Variants in NCOA1 observed in about 807,000 individuals in gnomAD.
NCOA1 encodes Hin-2 protein.
Under a neutral mutation model 150.9 loss-of-function variants are expected in NCOA1, and 35 were observed. That is an observed-to-expected ratio of 0.23 (90% confidence interval 0.18 to 0.31). The LOEUF is 0.31. Among genes scored for constraint, NCOA1 ranks in the 10% least tolerant of loss-of-function variants. The pLI, the probability that NCOA1 is intolerant of heterozygous loss-of-function variation, is 1.00. For synonymous variants in NCOA1, 590 were observed against 630.0 expected, an observed-to-expected ratio of 0.94 and a Z score of 0.95; for missense variants, 1,491 against 1,749.3, an observed-to-expected ratio of 0.85 and a Z score of 2.63.
intron 2 of NCOA1, among the ~76,000 whole-genome samples, chr2:24,568,808 T>C (rs1022278196): frequency 3.9e-5 from 6 of 152,244 alleles, no homozygotes; most frequent in Non-Finnish European, 8.8e-5. Context: ...TACTGTCATG[T>C]ACCCATGCCA....
At chr2:24,566,072 A>G (rs549291507) in intron 2 of NCOA1, among the ~76,000 whole-genome samples, 17 of 152,228 alleles carry the variant, frequency 1.1e-4, no homozygotes, top group East Asian at 5.8e-4. Flanking sequence ...TTGTGTTACA[A>G]CTTTTTCAAT....
chr2:24,713,189 C>G (rs1356021049), intron 14 of NCOA1, among the ~76,000 whole-genome samples: 1 of 152,040 alleles, frequency 6.6e-6, no homozygotes, highest in African/African-American at 2.4e-5. Context: ...TGAGATCGTG[C>G]CATTGCACTC....
intron 7 of NCOA1, among the ~76,000 whole-genome samples, chr2:24,678,002 C>A (rs916512451): frequency 6.6e-6 from 1 of 151,946 alleles, no homozygotes; most frequent in Non-Finnish European, 1.5e-5. Flanking sequence ...AGCCCAGCAT[C>A]CATTAGCTAT....
intron 2 of NCOA1, among the ~76,000 whole-genome samples, chr2:24,575,924 A>C (rs1470089220): frequency 1.3e-5 from 2 of 152,006 alleles, no homozygotes; most frequent in Non-Finnish European, 2.9e-5. Flanking sequence ...CATGCAGTTA[A>C]ATTTTTTTTG....
intron 3 of NCOA1, among the ~76,000 whole-genome samples, chr2:24,609,725 CT>C (rs11350753): frequency 0.25 from 36,965 of 147,864 alleles, 4,722 homozygotes; most frequent in East Asian, 0.31. Context: ...ATATTTGTGC[CT>C]TTTTTTTTTC....
intron 2 of NCOA1, among the ~76,000 whole-genome samples, chr2:24,573,057 G>A (rs985900801): frequency 2.0e-5 from 3 of 152,082 alleles, no homozygotes; most frequent in Non-Finnish European, 2.9e-5. Context: ...TAGTTGAGAG[G>A]TACTCAATTT....
chr2:24,723,051 A>G (rs931248027), intron 14 of NCOA1, among the ~76,000 whole-genome samples: 17 of 148,940 alleles, frequency 1.1e-4, no homozygotes, highest in African/African-American at 3.7e-4. Context: ...ATATTTGTTT[A>G]TTTATTTTTA....
At chr2:24,542,840 T>G (rs1026842998) in intron 1 of NCOA1, among the ~76,000 whole-genome samples, 1 of 152,250 alleles carries the variant, frequency 6.6e-6, no homozygotes, top group African/African-American at 2.4e-5. Context: ...AATAATATAA[T>G]TAGTAAACTT....
intron 1 of NCOA1, among the ~76,000 whole-genome samples, chr2:24,528,535 A>T (rs766430015): frequency 1.3e-5 from 2 of 151,674 alleles, no homozygotes; most frequent in Non-Finnish European, 2.9e-5. Context: ...TTTTGTAGAG[A>T]TGGGGTTTCA....
chr2:24,656,666 ACTT>A (rs1670965960), intron 4 of NCOA1, among the ~76,000 whole-genome samples: 3 of 152,128 alleles, frequency 2.0e-5, no homozygotes, highest in Non-Finnish European at 2.9e-5. Context: ...TCTGCTATCT[ACTT>A]CTATGAGATT....
intron 3 of NCOA1, among the ~76,000 whole-genome samples, chr2:24,630,978 T>C (rs566451750): frequency 1.3e-5 from 2 of 152,314 alleles, no homozygotes; most frequent in African/African-American, 4.8e-5. Flanking sequence ...TTTCAAATTT[T>C]TTAAAAATCT....
Position 24,491,432 on chromosome 2 carries a change from C to T in NCOA1, c.-566C>T, listed in dbSNP as rs1383557644. ...TCGCTGCTGCTCCCTCGAGCGGAGC[C>T]TGCGTCAGGTTCCCTCTGCATCCCC... On this transcript the variant is annotated 5_prime_UTR_variant, in exon 1 of 23. Transcript: ENST00000348332. 6.8e-6 allele frequency among the ~76,000 whole-genome samples: 1 copy of T among 148,118 alleles called. No individual in the cohort carries two copies. The highest frequency in any genetic ancestry group is 1.5e-5 in the Non-Finnish European group (1 of 66,458).
Position 24,680,510 on chromosome 2 carries a change from G to A in NCOA1, c.355-2441G>A, listed in dbSNP as rs1672114597. On this transcript the variant is annotated intron_variant, in intron 7 of 22. Transcript: ENST00000348332. ...TACCACATGATCTCACTTATATGTG[G>A]GATCTAAAAAAGTCAAACTCATAGG... Among the ~76,000 whole-genome samples the A allele has an allele frequency of 1.3e-5, 2 of 152,210 alleles. 1 individual carries two copies. Among genetic ancestry groups the A allele is most frequent in the South Asian group, 4.2e-4 (2 of 4,808 alleles).
At chr2:24,626,178 T>G (rs1277682516) in intron 3 of NCOA1, among the ~76,000 whole-genome samples, 1 of 152,188 alleles carries the variant, frequency 6.6e-6, no homozygotes, top group Non-Finnish European at 1.5e-5. Flanking sequence ...ATATTTAAGC[T>G]CTGTCATTGC....
rs55729008 is a variant in NCOA1, at chr2:24,744,321, A to G, written c.3706+2135A>G. Among the ~76,000 whole-genome samples the G allele has an allele frequency of 4.8e-3, 727 of 152,356 alleles. 3 individuals carry two copies. Among genetic ancestry groups the G allele is most frequent in the African/African-American group, 0.016 (686 of 41,582 alleles). On this transcript the variant is annotated intron_variant, in intron 19 of 22. Transcript: ENST00000348332. ...CAAACAAAACCCAAATGCTGAGTGC[A>G]TTGAAGAGAACAGTGGTTTCATCCA...
rs1229629326 is a variant in NCOA1, at chr2:24,500,092, GTTTCTTTT to G, written c.-396+8498_-396+8505del. On this transcript the variant is annotated intron_variant, in intron 1 of 22. Transcript: ENST00000348332. ...GACCCCAGGCACTTTTAGCCCGGTA[GTTTCTTTT>G]TTTCTTTCTTTCTTTCTTTTTTTTT... 3.9e-5 allele frequency among the ~76,000 whole-genome samples: 6 copies of G among 151,984 alleles called. No individual in the cohort carries two copies. In the East Asian group the frequency reaches 5.8e-4, roughly 15 times the overall value.
intron 22 of NCOA1, among the ~76,000 whole-genome samples, chr2:24,764,733 A>G (rs1009745791): frequency 2.0e-5 from 3 of 152,256 alleles, no homozygotes. Flanking sequence ...CCCTATGGAC[A>G]GAAGAGTCAT....
At chr2:24,643,283 G>A (rs1380236797) in intron 3 of NCOA1, among the ~76,000 whole-genome samples, 2 of 152,104 alleles carry the variant, frequency 1.3e-5, no homozygotes, top group South Asian at 4.1e-4. Context: ...GAAGAGTTCC[G>A]AGTTCCCTTC....
At chr2:24,690,502 A>C (rs903022814) in intron 8 of NCOA1, among the ~76,000 whole-genome samples, 4 of 151,778 alleles carry the variant, frequency 2.6e-5, no homozygotes, top group Non-Finnish European at 5.9e-5. Flanking sequence ...AAAATAAAAA[A>C]TTAGCCCAGC....
Sources: allele counts gnomAD v4.1 joint callset (sites outside exome capture counted in the v4.1 genomes callset), GRCh38; gene constraint gnomAD v4.1.1; transcripts MANE v1.5; gene names NCBI Gene and HGNC (gene_info 2026-07-23, HGNC 2026-07-21).